Variants in DYNC2H1 observed in about 807,000 individuals in gnomAD.
DYNC2H1 encodes dynein cytoplasmic 2 heavy chain 1.
DYNC2H1 carries 410 observed loss-of-function variants against 570.0 expected under a neutral mutation model. The ratio of observed to expected loss-of-function variants is 0.72; its 90% CI spans 0.66 to 0.78. The LOEUF (loss-of-function observed/expected upper bound fraction) is 0.78. DYNC2H1 is among the 30% of genes least tolerant of loss of function. DYNC2H1 has a pLI of 0.00. For synonymous variants in DYNC2H1, 1,688 were observed against 1,677.6 expected, an observed-to-expected ratio of 1.01 and a Z score of -0.15; for missense variants, 4,865 against 5,046.4, an observed-to-expected ratio of 0.96 and a Z score of 1.09.
At chr11:103,357,537 C>G (rs773921025) in intron 82 of DYNC2H1, among the ~76,000 whole-genome samples, 3 of 152,132 alleles carry the variant, frequency 2.0e-5, no homozygotes, top group Admixed American at 6.6e-5. Context: ...TTTAAGGAAA[C>G]TATCTTTGTC....
intron 35 of DYNC2H1, 76 bp from the exon 36 acceptor site, chr11:103,173,979 G>A: frequency 9.9e-7 from 1 of 1,011,782 alleles, no homozygotes; most frequent in East Asian, 2.6e-5. Context: ...GTTATATTCT[G>A]TATTTCTTTG....
intron 84 of DYNC2H1, 100 bp downstream of exon 84, chr11:103,399,972 A>G (rs1317564367): frequency 2.1e-5 from 20 of 973,724 alleles, no homozygotes; most frequent in Non-Finnish European, 2.9e-5. Flanking sequence ...ATAGCAGAAG[A>G]CCCGAGTCAC....
chr11:103,344,446 G>A (rs541436970), intron 82 of DYNC2H1, among the ~76,000 whole-genome samples: 2 of 152,280 alleles, frequency 1.3e-5, no homozygotes, highest in East Asian at 1.9e-4. Flanking sequence ...TTTGTCTTCT[G>A]ATCTTCCTCT....
At position 103,426,773 on chromosome 11, in the gene DYNC2H1, TTTGA is replaced by T. The variant is rs566917877; in HGVS notation, c.12367-9162_12367-9159del. Among the ~76,000 whole-genome samples the T allele has an allele frequency of 4.1e-3, 628 of 152,288 alleles. 3 individuals carry two copies. The highest frequency in any genetic ancestry group is 0.014 in the African/African-American group (580 of 41,592). On this transcript the variant is annotated intron_variant, in intron 84 of 88. Coordinates refer to ENST00000375735, the MANE Select transcript of DYNC2H1 (RefSeq NM_001377.3). ...ACCCAGGTTTGTTTCACCTCAAGCA[TTTGA>T]TTGATTGGTCGCGTTAATGCGCAGA...
intron 75 of DYNC2H1, among the ~76,000 whole-genome samples, chr11:103,296,986 G>A (rs779059032): frequency 2.6e-5 from 4 of 151,768 alleles, no homozygotes; most frequent in Admixed American, 6.6e-5. Flanking sequence ...CTAAGTGTTA[G>A]AGTACTTTTC....
intron 47 of DYNC2H1, among the ~76,000 whole-genome samples, 159 bp from the exon 48 acceptor site, chr11:103,197,774 T>C (rs1433746784): frequency 6.6e-6 from 1 of 152,194 alleles, no homozygotes; most frequent in Non-Finnish European, 1.5e-5. Flanking sequence ...CCTGATTTTA[T>C]TGACCTTACA....
At chr11:103,384,710 A>G (rs1201247397) in intron 83 of DYNC2H1, among the ~76,000 whole-genome samples, 8 of 152,168 alleles carry the variant, frequency 5.3e-5, no homozygotes, top group African/African-American at 1.9e-4. Context: ...TTCCAACTTT[A>G]TATGCAGTTA....
rs1323848634 is a variant in DYNC2H1, at chr11:103,160,754, A to AT, written c.4379-171dup. ...GATAAGAATATTGATTCAGAAAGTG[A>AT]TTTTTTTCCCTCAATAGGACATTTA... On this transcript the variant is annotated intron_variant, in intron 28 of 88. Transcript: ENST00000375735. 6.6e-5 allele frequency among the ~76,000 whole-genome samples: 10 copies of AT among 152,014 alleles called. No individual in the cohort carries two copies. In the South Asian group the frequency reaches 1.5e-3, roughly 22 times the overall value.
chr11:103,320,353 G>A (rs531690302), intron 80 of DYNC2H1, among the ~76,000 whole-genome samples: 1 of 152,236 alleles, frequency 6.6e-6, no homozygotes, highest in Admixed American at 6.5e-5. Context: ...AGTGAGCTGA[G>A]ATCGCGTCAT....
At position 103,199,533 on chromosome 11, in the gene DYNC2H1, C is replaced by T. The variant is rs917137679; in HGVS notation, c.8088+57C>T. 4 of 1,410,772 alleles carry T rather than the reference C, an allele frequency of 2.8e-6. No individual in the cohort carries two copies. The highest frequency in any genetic ancestry group is 1.4e-5 in the African/African-American group (1 of 69,714). The allele number at this position is 1,410,772 out of a possible 1,614,324, so 87.4% of individuals were successfully genotyped here. A position where few individuals can be genotyped will look rare whatever the true frequency, so the allele number is the denominator to read the frequency against. On this transcript the variant is annotated intron_variant, in intron 49 of 88. Transcript: ENST00000375735. The surrounding 1 kb of genome is among the most constrained non-coding windows in gnomAD (Gnocchi z 4.6). ...GTTTTAAATTACATTGGTTATTACT[C>T]TAAACATCTTTAAAGACCTAAAGGT...
chr11:103,150,462 C>G (rs1184510175), intron 20 of DYNC2H1, among the ~76,000 whole-genome samples: 4 of 152,024 alleles, frequency 2.6e-5, no homozygotes, highest in African/African-American at 9.7e-5. Context: ...ATCAAAATGT[C>G]TCTTAGGAGT....
chr11:103,371,449 G>A (rs1941141901), intron 83 of DYNC2H1, among the ~76,000 whole-genome samples: 1 of 152,092 alleles, frequency 6.6e-6, no homozygotes, highest in South Asian at 2.1e-4. Flanking sequence ...TCACATACAA[G>A]AAGGTTGTAG....
At chr11:103,362,519 A>T (rs1940707018) in intron 83 of DYNC2H1, among the ~76,000 whole-genome samples, 1 of 152,002 alleles carries the variant, frequency 6.6e-6, no homozygotes, top group Admixed American at 6.6e-5. Context: ...ATCAAGATAT[A>T]TGAAATATTT....
intron 4 of DYNC2H1, 27 bp downstream of exon 4, chr11:103,115,322 T>G: frequency 6.9e-7 from 1 of 1,459,624 alleles, no homozygotes; most frequent in Non-Finnish European, 9.3e-7. Context: ...TGGTGATATA[T>G]TGGGCTTCTT....
At chr11:103,266,510 T>G (rs1591496905) in intron 70 of DYNC2H1, among the ~76,000 whole-genome samples, 1 of 151,676 alleles carries the variant, frequency 6.6e-6, no homozygotes, top group Non-Finnish European at 1.5e-5. Flanking sequence ...CTAGCGGGGG[T>G]GGGGCCAGCT....
At chr11:103,377,641 G>A (rs775919787) in intron 83 of DYNC2H1, among the ~76,000 whole-genome samples, 17 of 151,760 alleles carry the variant, frequency 1.1e-4, no homozygotes, top group Non-Finnish European at 2.2e-4. Flanking sequence ...TTTATTTCTA[G>A]TATGAATATG....
intron 31 of DYNC2H1, among the ~76,000 whole-genome samples, chr11:103,166,990 C>CTTTT (rs34816989): frequency 1.2e-3 from 70 of 56,948 alleles, no homozygotes; most frequent in South Asian, 2.0e-3. Context: ...GAGGCGCTGC[C>CTTTT]TTTTTTTTTT....
chr11:103,118,444 CCATT>C (rs1858532505), intron 6 of DYNC2H1, among the ~76,000 whole-genome samples: 1 of 151,726 alleles, frequency 6.6e-6, no homozygotes, highest in Non-Finnish European at 1.5e-5. Flanking sequence ...CACGTATCCA[CCATT>C]CAATTTTAAT....
rs1864921547 is a variant in DYNC2H1 at position 103,253,458 on chromosome 11, G to T, written c.10206+10G>T. 1.3e-6 allele frequency: 2 copies of T among 1,582,404 alleles called. No individual in the cohort carries two copies. Among genetic ancestry groups the T allele is most frequent in the African/African-American group, 2.7e-5 (2 of 74,162 alleles). On this transcript the variant is annotated intron_variant, in intron 66 of 88. Transcript: ENST00000375735. ...TGGATTACGAGGGCAGGTATACATA[G>T]ATAATAATAATTTACCTTGGAATCT...
Sources: gnomAD v4.1 joint callset for allele counts (sites outside exome capture counted in the v4.1 genomes callset) on GRCh38, gnomAD v4.1.1 for gene constraint, Gnocchi (gnomAD v3.1) non-coding constraint, MANE v1.5 for transcripts, NCBI Gene and HGNC (gene_info 2026-07-23, HGNC 2026-07-21) for gene names.